The following PPFIA2 variants were observed in gnomAD, a reference collection of about 807,000 sequenced individuals.
The protein encoded by PPFIA2 is liprin-alpha-2.
Under a neutral mutation model 175.5 loss-of-function variants are expected in PPFIA2, and 46 were observed. That is an observed-to-expected ratio of 0.26 (90% confidence interval 0.21 to 0.34). PPFIA2 has a LOEUF of 0.34. PPFIA2 is among the 10% of genes least tolerant of loss of function. PPFIA2 has a pLI of 1.00. For missense variants in PPFIA2, 1,179 were observed against 1,506.1 expected (o/e 0.78, Z 3.60); for synonymous variants, 568 against 511.4 (o/e 1.11, Z -1.49).
chr12:81,570,239 C>A (rs2072247466), intron 4 of PPFIA2, among the ~76,000 whole-genome samples: 1 of 152,096 alleles, frequency 6.6e-6, no homozygotes, highest in African/African-American at 2.4e-5. Flanking sequence ...ACAAGAGATG[C>A]TGTTTTTTGA....
chr12:81,581,971 G>A (rs999888360), intron 4 of PPFIA2, among the ~76,000 whole-genome samples: 3 of 151,616 alleles, frequency 2.0e-5, no homozygotes, highest in Non-Finnish European at 2.9e-5. Flanking sequence ...ACTGAACCTC[G>A]GGGAAATTCA....
At position 81,447,480 on chromosome 12, in the gene PPFIA2, G is replaced by A. The variant is rs1447188865; in HGVS notation, c.406-1760C>T. The stretch of plus-strand genomic sequence containing the variant: ...CCTTCTTTGGTTCCTCATTTAACCA[G>A]CTCTTTCTCATTCTTTAAGTCTCAG... On this transcript the variant is annotated intron_variant, in intron 5 of 32. Coordinates refer to ENST00000549396, the MANE Select transcript of PPFIA2 (RefSeq NM_003625.5). Among the ~76,000 whole-genome samples, 3 of 152,184 alleles carry A rather than the reference G, an allele frequency of 2.0e-5. No homozygotes were observed. In the East Asian group the frequency reaches 5.8e-4, roughly 29 times the overall value.
intron 4 of PPFIA2, among the ~76,000 whole-genome samples, chr12:81,632,536 C>T (rs1367759291): frequency 6.6e-6 from 1 of 152,032 alleles, no homozygotes; most frequent in African/African-American, 2.4e-5. Flanking sequence ...TCCATATATA[C>T]ATGTAATAGT....
chr12:81,370,446 A>G (rs1286258247), intron 11 of PPFIA2, among the ~76,000 whole-genome samples: 4 of 151,868 alleles, frequency 2.6e-5, no homozygotes, highest in African/African-American at 7.2e-5. Context: ...ACTCTCAGAT[A>G]GGTTTAATTA....
chr12:81,415,204 AAAAAAAATATATATATATATATAT>A (rs2044859468), intron 7 of PPFIA2, among the ~76,000 whole-genome samples: 1 of 46,788 alleles, frequency 2.1e-5, no homozygotes, highest in African/African-American at 7.8e-5. Flanking sequence ...AAAAAAAAAA[AAAAAAAATATATATATATATATAT>A]ATATATATAT....
chr12:81,262,105 A>C, intron 31 of PPFIA2, 65 bp from the exon 32 acceptor site: 1 of 1,146,964 alleles, frequency 8.7e-7, no homozygotes, highest in Non-Finnish European at 1.3e-6. Flanking sequence ...CAGATGAGAA[A>C]GATTTATTTT....
At chr12:81,317,647 C>G in intron 22 of PPFIA2, among the ~76,000 whole-genome samples, 1 of 151,506 alleles carries the variant, frequency 6.6e-6, no homozygotes, top group East Asian at 1.9e-4. Context: ...GAAATCACTG[C>G]CCTAACTCCT....
chr12:81,393,379 A>G (rs1169026978), intron 8 of PPFIA2, among the ~76,000 whole-genome samples: 1 of 152,088 alleles, frequency 6.6e-6, no homozygotes. Flanking sequence ...GTTCATCTAT[A>G]AAATAAAGAA....
intron 4 of PPFIA2, among the ~76,000 whole-genome samples, chr12:81,528,603 ATAATT>A (rs1048057965): frequency 7.2e-5 from 11 of 152,158 alleles, no homozygotes; most frequent in African/African-American, 2.7e-4. Context: ...ACCACAAAAT[ATAATT>A]TAAGTTCACG....
intron 28 of PPFIA2, among the ~76,000 whole-genome samples, chr12:81,272,491 A>G (rs2136475950): frequency 6.6e-6 from 1 of 152,260 alleles, no homozygotes; most frequent in South Asian, 2.1e-4. Context: ...TTAAGTCTTT[A>G]TACTTTTCAC....
At chr12:81,607,316 T>C (rs2060431827) in intron 4 of PPFIA2, among the ~76,000 whole-genome samples, 1 of 152,140 alleles carries the variant, frequency 6.6e-6, no homozygotes, top group African/African-American at 2.4e-5. Context: ...AATTTTAGAA[T>C]AGTTTTCTCT....
Position 81,616,499 on chromosome 12 carries a change from T to C in PPFIA2, c.303+60292A>G, listed in dbSNP as rs544261013. Among the ~76,000 whole-genome samples the C allele has an allele frequency of 3.9e-5, 6 of 152,286 alleles. No homozygotes were observed. In the East Asian group the frequency reaches 1.2e-3, roughly 29 times the overall value. On this transcript the variant is annotated intron_variant, in intron 4 of 32. Coordinates refer to ENST00000549396, the MANE Select transcript of PPFIA2 (RefSeq NM_003625.5). ...CCCAGCAAAACTTCATTTTTACATATTGACACTGAATTATTAAGAACGTCA... is the reference window on the plus strand; with the variant it reads ...CCCAGCAAAACTTCATTTTTACATACTGACACTGAATTATTAAGAACGTCA...
intron 4 of PPFIA2, among the ~76,000 whole-genome samples, chr12:81,666,990 A>C (rs1029910735): frequency 3.3e-5 from 5 of 152,192 alleles, no homozygotes; most frequent in Admixed American, 2.6e-4. Context: ...ACTTTCTATA[A>C]TTTTATTAAC....
In PPFIA2 at chr12:81,367,120, A is replaced by T; in HGVS notation, c.1533T>A (p.Ser511=). The change falls in exon 14 of 33, where the codon TCT becomes TCA. Residue 511 remains serine, a synonymous_variant. Coordinates refer to ENST00000549396, the MANE Select transcript of PPFIA2 (RefSeq NM_003625.5). ...SETFRKNLEE[S]LHDKERLAEE... is the part of the protein sequence containing the mutation. ...GTTTCCATTATACCTTATCATGTAA[A>T]GATTCTTCAAGATTCTTTCTGAAAG... is the stretch of plus-strand genomic sequence containing the variant. The T allele has an allele frequency of 6.9e-7, 1 of 1,442,900 alleles. No individual in the cohort carries two copies. The highest frequency in any genetic ancestry group is 9.2e-7 in the Non-Finnish European group (1 of 1,091,076). The allele number at this position is 1,442,900 out of a possible 1,614,324, so 89.4% of individuals were successfully genotyped here.
intron 3 of PPFIA2, among the ~76,000 whole-genome samples, chr12:81,746,502 A>G (rs546791055): frequency 6.9e-6 from 1 of 144,338 alleles, no homozygotes; most frequent in South Asian, 2.3e-4. Context: ...AGTGAGAGCA[A>G]GTCTGGAGAA....
chr12:81,647,762 A>AAT (rs34245057), intron 4 of PPFIA2, among the ~76,000 whole-genome samples: 49 of 136,516 alleles, frequency 3.6e-4, no homozygotes, highest in South Asian at 1.1e-3. Flanking sequence ...CTCTGTCTCA[A>AAT]ATATATATAT....
chr12:81,628,657 G>T (rs781358606), intron 4 of PPFIA2, among the ~76,000 whole-genome samples: 1 of 152,164 alleles, frequency 6.6e-6, no homozygotes, highest in African/African-American at 2.4e-5. Context: ...GGGATTACAG[G>T]TGTGAGACAC....
chr12:81,463,647 C>G (rs936913496), intron 4 of PPFIA2, among the ~76,000 whole-genome samples: 2 of 152,042 alleles, frequency 1.3e-5, no homozygotes, highest in East Asian at 1.9e-4. Context: ...TGAGCACTCA[C>G]TATGTAGTGG....
At chr12:81,474,078 A>T in intron 4 of PPFIA2, among the ~76,000 whole-genome samples, 1 of 152,296 alleles carries the variant, frequency 6.6e-6, no homozygotes, top group East Asian at 1.9e-4. Context: ...AATAGGAAAA[A>T]ATGTTTAACA....
Sources: gnomAD v4.1 joint callset for allele counts (sites outside exome capture counted in the v4.1 genomes callset) on GRCh38, gnomAD v4.1.1 for gene constraint, MANE v1.5 for transcripts, NCBI Gene and HGNC (gene_info 2026-07-23, HGNC 2026-07-21) for gene names.